The following PEX1 variants were observed in gnomAD, a reference collection of about 807,000 sequenced individuals.
PEX1 encodes the protein peroxisomal ATPase PEX1.
A neutral mutation model predicts 152.5 loss-of-function variants in PEX1; 97 were observed. That is an observed-to-expected ratio of 0.64 (90% CI 0.54 to 0.75). The LOEUF (loss-of-function observed/expected upper bound fraction) is 0.75. Among genes scored for constraint, PEX1 ranks in the 30% least tolerant of loss-of-function variants. The pLI, the probability that PEX1 is intolerant of heterozygous loss-of-function variation, is 0.00. For missense variants in PEX1, 1,357 were observed against 1,516.3 expected (o/e 0.89, Z 1.74); for synonymous variants, 485 against 531.6 (o/e 0.91, Z 1.21).
At position 92,501,893 on chromosome 7, in the gene PEX1, C is replaced by G; in HGVS notation, c.2413G>C (p.Glu805Gln). The change falls in exon 14 of 24, where the codon GAA (glutamate) becomes CAA (glutamine). Residue 805 changes from glutamate to glutamine, a missense_variant. Transcript: ENST00000248633. Reference sequence around the variant, plus strand: ...AGGTTTTAATAGTAAAACATACTTTCTCTGGTGGATATACTCTGACGAGAG... The same window carrying G: ...AGGTTTTAATAGTAAAACATACTTTGTCTGGTGGATATACTCTGACGAGAG... ...RLSRQSISTR[E>Q]KLVLTTLDFQ... The G allele has an allele frequency of 5.0e-6, 8 of 1,612,614 alleles. No homozygotes were observed. Among genetic ancestry groups the G allele is most frequent in the Non-Finnish European group, 6.8e-6 (8 of 1,178,722 alleles).
Position 92,522,154 on chromosome 7 carries a change from G to T in PEX1, c.221C>A (p.Ala74Asp). ...RHFSDQGENV[A>D]EINRQVGQKL... ...TTGACCAACTTGTCTGTTAATTTCAGCCACATTTTCACCTTGATCACTAAA... is the reference window on the plus strand; with the variant it reads ...TTGACCAACTTGTCTGTTAATTTCATCCACATTTTCACCTTGATCACTAAA... Residue 74 changes from alanine (A) to aspartate (D), a missense_variant, in exon 2 of 24, where the codon GCT (alanine) becomes GAT (aspartate). Transcript: ENST00000248633. The T allele has an allele frequency of 1.2e-6, 2 of 1,614,044 alleles. No individual in the cohort carries two copies. The highest frequency in any genetic ancestry group is 1.7e-6 in the Non-Finnish European group (2 of 1,179,976).
chr7:92,487,507 T>A lies in PEX1; in HGVS notation c.3802A>T (p.Asn1268Tyr), dbSNP rs1300333567. 1 of 1,593,898 alleles carries A rather than the reference T, an allele frequency of 6.3e-7. No homozygotes were observed. The highest frequency in any genetic ancestry group is 1.3e-5 in the African/African-American group (1 of 74,568). ...ESFQNPKRRK[N>Y]QSGTMFRPGQ... Reference sequence around the variant, plus strand: ...GGTCGAAACATTGTTCCACTTTGATTTTTTCTCCTCTTTGGATTTTGAAAG... The same window carrying A: ...GGTCGAAACATTGTTCCACTTTGATATTTTCTCCTCTTTGGATTTTGAAAG... Residue 1268 changes from asparagine to tyrosine, a missense_variant, in exon 24 of 24, where the codon AAT (asparagine) becomes TAT (tyrosine). Coordinates refer to ENST00000248633, the MANE Select transcript of PEX1 (RefSeq NM_000466.3).
chr7:92,490,826 C>T (rs1791265366), intron 21 of PEX1, among the ~76,000 whole-genome samples: 1 of 152,136 alleles, frequency 6.6e-6, no homozygotes, highest in African/African-American at 2.4e-5. Context: ...AAACACTTTC[C>T]TGTTGAAACA....
intron 1 of PEX1, among the ~76,000 whole-genome samples, chr7:92,523,826 G>GTC (rs1793152073): frequency 1.3e-5 from 2 of 151,946 alleles, no homozygotes; most frequent in Middle Eastern, 3.4e-3. Context: ...GTGAGAACCC[G>GTC]TCACACACAC....
rs983690128 is a variant in PEX1 at position 92,509,398 on chromosome 7, G to C, written c.1601C>G (p.Pro534Arg). 1.2e-6 allele frequency: 2 copies of C among 1,609,428 alleles called. No individual in the cohort carries two copies. Among genetic ancestry groups the C allele is most frequent in the Admixed American group, 1.7e-5 (1 of 59,994 alleles). Residue 534 changes from proline to arginine, a missense_variant, in exon 9 of 24, where the codon CCT (proline) becomes CGT (arginine). Pro to Arg is a moderately radical substitution (Grantham distance 103). Coordinates refer to ENST00000248633, the MANE Select transcript of PEX1 (RefSeq NM_000466.3). ...CTCACTGTTTTCTTCTTTTACCATAGGATCTAGAAGGACCTACAGTTGCAA... is the reference window on the plus strand; with the variant it reads ...CTCACTGTTTTCTTCTTTTACCATACGATCTAGAAGGACCTACAGTTGCAA... Reference protein sequence around the residue: ...QKTTIQVLLDPMVKEENSEEI... With the variant: ...QKTTIQVLLDRMVKEENSEEI...
rs1562862971 is a variant in PEX1, at chr7:92,513,961, C to T, written c.1246G>A (p.Asp416Asn). The T allele has an allele frequency of 1.3e-6, 2 of 1,566,476 alleles. No individual in the cohort carries two copies. The highest frequency in any genetic ancestry group is 1.8e-6 in the Non-Finnish European group (2 of 1,142,276). The stretch of plus-strand genomic sequence containing the variant: ...ATATTTAGTCTCTTCCTCAGGTCAT[C>T]TGGAATCTGAAATTTAAAAATAAAC... The part of the protein sequence containing the change: ...VLHLGKVWIP[D>N]DLRKRLNIEM... Residue 416 changes from aspartate (D) to asparagine (N), a missense_variant, in exon 6 of 24, where the codon GAT (aspartate) becomes AAT (asparagine). Asp to Asn is a conservative substitution (Grantham distance 23). Coordinates refer to ENST00000248633, the MANE Select transcript of PEX1 (RefSeq NM_000466.3).
rs1790982729 is a variant in PEX1 at position 92,487,446 on chromosome 7, AG to A, written c.*10del. The stretch of plus-strand genomic sequence containing the variant: ...AAAACTTAACAGAACCAAATCAAAA[AG>A]AAGTATATTTTATGCTAAAGTTACT... On this transcript the variant is annotated 3_prime_UTR_variant, in exon 24 of 24. Coordinates refer to ENST00000248633, the MANE Select transcript of PEX1 (RefSeq NM_000466.3). 2 of 1,456,876 alleles carry A rather than the reference AG, an allele frequency of 1.4e-6. No homozygotes were observed. The highest frequency in any genetic ancestry group is 1.2e-5 in the South Asian group (1 of 83,766). The allele number at this position is 1,456,876 out of a possible 1,614,324, so 90.2% of individuals were successfully genotyped here. A position where few individuals can be genotyped will look rare whatever the true frequency, so the allele number is the denominator to read the frequency against.
chr7:92,504,718 G>A lies in PEX1; in HGVS notation c.2071+14C>T. 6.2e-7 allele frequency: 1 copy of A among 1,612,942 alleles called. No homozygotes were observed. The highest frequency in any genetic ancestry group is 8.5e-7 in the Non-Finnish European group (1 of 1,179,320). ...AAAAGAACAAGACCTTAAGCCAGTG[G>A]TGGATGCATTTACCATGAGCAAGCC... is the stretch of plus-strand genomic sequence containing the variant. On this transcript the variant is annotated intron_variant, in intron 12 of 23. Transcript: ENST00000248633.
intron 5 of PEX1, among the ~76,000 whole-genome samples, chr7:92,515,090 T>TCAATA (rs1313225517): frequency 8.9e-4 from 2 of 2,256 alleles, no homozygotes; most frequent in Admixed American, 6.7e-3. Flanking sequence ...TATATATATA[T>TCAATA]ATATATATAT....
At chr7:92,498,066 G>GA (rs1356631170) in intron 16 of PEX1, among the ~76,000 whole-genome samples, 1 of 76,716 alleles carries the variant, frequency 1.3e-5, no homozygotes. Flanking sequence ...CTCAGTCTCA[G>GA]AGAAAAAAAA....
At position 92,517,259 on chromosome 7, in the gene PEX1, A is replaced by T. The variant is rs369730771; in HGVS notation, c.1239+17T>A. 1.1e-5 allele frequency: 17 copies of T among 1,598,206 alleles called. No homozygotes were observed. Among genetic ancestry groups the T allele is most frequent in the Non-Finnish European group, 1.5e-5 (17 of 1,165,854 alleles). On this transcript the variant is annotated intron_variant, in intron 5 of 23. Coordinates refer to ENST00000248633, the MANE Select transcript of PEX1 (RefSeq NM_000466.3). Reference sequence around the variant, plus strand: ...AGCCACATAAAATTTCTCCCAAGTTATAAAATTTATACTAACCCAGACTTT... The same window carrying T: ...AGCCACATAAAATTTCTCCCAAGTTTTAAAATTTATACTAACCCAGACTTT...
chr7:92,512,587 G>A (rs1339719154), intron 6 of PEX1, among the ~76,000 whole-genome samples: 1 of 152,128 alleles, frequency 6.6e-6, no homozygotes, highest in Non-Finnish European at 1.5e-5. Flanking sequence ...CACCTCCTCA[G>A]TTCAAGTGGT....
chr7:92,522,288 A>C (rs1411986586), intron 1 of PEX1, 43 bp from the exon 2 acceptor site: 1 of 1,579,116 alleles, frequency 6.3e-7, no homozygotes, highest in Admixed American at 1.7e-5. Context: ...TTTCGTATAC[A>C]TTTTTCTGGA....
At position 92,514,282 on chromosome 7, in the gene PEX1, T is replaced by C. The variant is rs571742762; in HGVS notation, c.1240-315A>G. ...CCTCCTAATACGATCACCTTGGGAG[T>C]TGGGATTTCGACATATGAATTTGAG... On this transcript the variant is annotated intron_variant, in intron 5 of 23. Transcript: ENST00000248633. 2.1e-4 allele frequency among the ~76,000 whole-genome samples: 32 copies of C among 152,214 alleles called. 1 individual carries two copies. The South Asian group carries it at 6.0e-3, about 29-fold the overall frequency.
At chr7:92,518,781 C>T (rs1057006296) in intron 3 of PEX1, among the ~76,000 whole-genome samples, 1 of 152,076 alleles carries the variant, frequency 6.6e-6, no homozygotes, top group African/African-American at 2.4e-5. Flanking sequence ...TGTTGCCCAG[C>T]CTGGTCTTGA....
intron 16 of PEX1, among the ~76,000 whole-genome samples, chr7:92,497,830 G>A (rs1791725214): frequency 6.6e-6 from 1 of 152,158 alleles, no homozygotes; most frequent in Admixed American, 6.6e-5. Context: ...AGCACTTTGG[G>A]AGGCCGAAGC....
chr7:92,521,590 A>G (rs1187070760), intron 2 of PEX1, among the ~76,000 whole-genome samples: 6 of 152,080 alleles, frequency 3.9e-5, no homozygotes, highest in Non-Finnish European at 7.4e-5. Context: ...ACCTGCCACC[A>G]TGCCCAGCTA....
intron 21 of PEX1, chr7:92,490,175 A>G (rs529994448): frequency 9.1e-5 from 44 of 485,918 alleles, no homozygotes; most frequent in Non-Finnish European, 1.3e-4. Context: ...CTTAAATCCA[A>G]CACACTAATG....
chr7:92,507,242 T>A, intron 9 of PEX1, 116 bp from the exon 10 acceptor site: 1 of 910,852 alleles, frequency 1.1e-6, no homozygotes, highest in South Asian at 1.6e-5. Context: ...TTTAATTTTT[T>A]ATCTTTTTTT....
Sources: gnomAD v4.1 joint callset for allele counts (sites outside exome capture counted in the v4.1 genomes callset) on GRCh38, gnomAD v4.1.1 for gene constraint, MANE v1.5 for transcripts, NCBI Gene and HGNC (gene_info 2026-07-23, HGNC 2026-07-21) for gene names.